MRRF: variants seen among roughly 807,000 people sequenced by gnomAD.
MRRF encodes the protein ribosome-recycling factor, mitochondrial.
MRRF carries 18 observed loss-of-function variants against 25.1 expected under a neutral mutation model. The observed-to-expected ratio is 0.72, with a 90% CI of 0.50 to 1.06. The LOEUF is 1.06. Ranked by LOEUF, MRRF falls within the 50% of genes least tolerant of loss-of-function variation. MRRF has a pLI of 0.00. For missense variants in MRRF, 323 were observed against 319.3 expected, an observed-to-expected ratio of 1.01 and a Z score of -0.09; for synonymous variants, 113 against 112.1, an observed-to-expected ratio of 1.01 and a Z score of -0.05.
intron 1 of MRRF, chr9:122,265,902 A>G (rs771190476): frequency 4.2e-6 from 2 of 477,978 alleles, no homozygotes; most frequent in African/African-American, 2.0e-5. Flanking sequence ...ATAGTCAGAT[A>G]CTACAAGTAC....
intron 6 of MRRF, among the ~76,000 whole-genome samples, chr9:122,321,038 C>T (rs1835862833): frequency 6.6e-6 from 1 of 152,208 alleles, no homozygotes; most frequent in South Asian, 2.1e-4. Flanking sequence ...AATAATTATT[C>T]ACTTAGTGTG....
At chr9:122,307,125 C>G (rs1220611558) in intron 5 of MRRF, among the ~76,000 whole-genome samples, 5 of 152,182 alleles carry the variant, frequency 3.3e-5, no homozygotes, top group African/African-American at 1.2e-4. Flanking sequence ...CAAACAAAAA[C>G]ATTTCCGTCA....
At chr9:122,283,730 C>T (rs893842438) in intron 3 of MRRF, among the ~76,000 whole-genome samples, 10 of 152,200 alleles carry the variant, frequency 6.6e-5, no homozygotes, top group Admixed American at 6.5e-4. Flanking sequence ...CCCCCCTTTT[C>T]TCTTTGTGTC....
At chr9:122,316,391 G>T (rs1426146870) in intron 6 of MRRF, among the ~76,000 whole-genome samples, 1 of 152,032 alleles carries the variant, frequency 6.6e-6, no homozygotes, top group African/African-American at 2.4e-5. Context: ...TGCCAGGCTG[G>T]TCTTGAACTC....
intron 6 of MRRF, among the ~76,000 whole-genome samples, chr9:122,320,917 G>A (rs185719215): frequency 5.0e-4 from 76 of 152,242 alleles, no homozygotes; most frequent in African/African-American, 1.4e-3. Flanking sequence ...GTCTCTTTTC[G>A]ACATAGGAAG....
At chr9:122,313,204 G>T (rs115742525) in intron 5 of MRRF, 23 bp from the exon 6 acceptor site, 1 of 1,611,956 alleles carries the variant, frequency 6.2e-7, no homozygotes, top group East Asian at 2.2e-5. Context: ...TGATTTTGTT[G>T]AATGTCTTTT....
chr9:122,303,033 T>C (rs967497322), intron 5 of MRRF, among the ~76,000 whole-genome samples: 1 of 152,176 alleles, frequency 6.6e-6, no homozygotes, highest in African/African-American at 2.4e-5. Context: ...CTTTGCCCAT[T>C]TTATAATTGG....
At chr9:122,306,531 C>CT (rs1172144500) in intron 5 of MRRF, among the ~76,000 whole-genome samples, 4 of 152,330 alleles carry the variant, frequency 2.6e-5, no homozygotes, top group South Asian at 4.1e-4. Flanking sequence ...CCCCAACAGT[C>CT]TGACTTCAGA....
intron 5 of MRRF, among the ~76,000 whole-genome samples, chr9:122,300,878 G>C (rs555420416): frequency 2.6e-5 from 4 of 152,246 alleles, no homozygotes; most frequent in African/African-American, 7.2e-5. Flanking sequence ...CTCCTGGAAG[G>C]CATATCCCAA....
intron 3 of MRRF, 34 bp from the exon 4 acceptor site, chr9:122,285,135 T>A: frequency 7.1e-7 from 1 of 1,407,428 alleles, no homozygotes. Context: ...CTAAGGTTCT[T>A]TGGAATTCTA....
At chr9:122,280,070 T>C (rs1191733720) in intron 2 of MRRF, among the ~76,000 whole-genome samples, 1 of 152,230 alleles carries the variant, frequency 6.6e-6, no homozygotes, top group Non-Finnish European at 1.5e-5. Context: ...TAGTGTTCTT[T>C]TAGGTGTTTG....
intron 5 of MRRF, among the ~76,000 whole-genome samples, chr9:122,299,341 C>G (rs1185748556): frequency 1.3e-5 from 2 of 151,802 alleles, no homozygotes; most frequent in Non-Finnish European, 2.9e-5. Context: ...TCTCGAACTC[C>G]TGACCTCAAG....
chr9:122,284,068 G>T (rs1249705128), intron 3 of MRRF, among the ~76,000 whole-genome samples: 1 of 151,940 alleles, frequency 6.6e-6, no homozygotes. Context: ...TAAGCAAATG[G>T]TTCCAAATCT....
At chr9:122,277,950 A>G (rs529037249) in intron 2 of MRRF, among the ~76,000 whole-genome samples, 116 of 151,974 alleles carry the variant, frequency 7.6e-4, no homozygotes, top group African/African-American at 2.5e-3. Context: ...GTACATACTT[A>G]TGGGGTATAT....
intron 1 of MRRF, among the ~76,000 whole-genome samples, chr9:122,269,516 G>A (rs1490572458): frequency 6.6e-6 from 1 of 152,130 alleles, no homozygotes; most frequent in East Asian, 1.9e-4. Context: ...CCTGAGCCCA[G>A]GAGTTCAAGA....
chr9:122,265,324 A>G, intron 1 of MRRF: 1 of 180,086 alleles, frequency 5.6e-6, no homozygotes, highest in Non-Finnish European at 1.2e-5. Context: ...TTAAATTCAG[A>G]CCTAGGGCTA....
At chr9:122,311,854 A>G (rs1041498500) in intron 5 of MRRF, among the ~76,000 whole-genome samples, 1 of 152,208 alleles carries the variant, frequency 6.6e-6, no homozygotes, top group African/African-American at 2.4e-5. Context: ...CAGCAGGATT[A>G]AGTTCTTGAA....
At position 122,303,658 on chromosome 9, in the gene MRRF, A is replaced by G. The variant is rs542940109; in HGVS notation, c.552-9569A>G. Among the ~76,000 whole-genome samples the G allele has an allele frequency of 2.0e-5, 3 of 152,270 alleles. No individual in the cohort carries two copies. The South Asian group carries it at 6.2e-4, about 32-fold the overall frequency. On this transcript the variant is annotated intron_variant, in intron 5 of 6. Coordinates refer to ENST00000344641, the MANE Select transcript of MRRF (RefSeq NM_138777.5). Reference sequence around the variant, plus strand: ...TTCCGAAAGTTGTGTACGTATTTTCATGGTGATCGCATTGTTCTTTTGGCT... The same window carrying G: ...TTCCGAAAGTTGTGTACGTATTTTCGTGGTGATCGCATTGTTCTTTTGGCT...
Position 122,324,096 on chromosome 9 carries a change from T to C in MRRF, c.*1479T>C, listed in dbSNP as rs1437809278. The C allele has an allele frequency of 2.0e-5, 3 of 152,168 alleles. No homozygotes were observed. Among genetic ancestry groups the C allele is most frequent in the Non-Finnish European group, 2.9e-5 (2 of 68,036 alleles). 9.4% of individuals were successfully genotyped at this position (152,168 alleles called of 1,614,324 possible). ...CCAACTGGGTATCCTATAATTCAAT[T>C]CATTTCTGACATTACCTGGAAATAG... On this transcript the variant is annotated 3_prime_UTR_variant, in exon 7 of 7. Coordinates refer to ENST00000344641, the MANE Select transcript of MRRF (RefSeq NM_138777.5).
Sources: allele counts gnomAD v4.1 joint callset (sites outside exome capture counted in the v4.1 genomes callset), GRCh38; gene constraint gnomAD v4.1.1; transcripts MANE v1.5; gene names NCBI Gene and HGNC (gene_info 2026-07-23, HGNC 2026-07-21).